Variants in CFAP43 observed in about 807,000 individuals in gnomAD.
CFAP43 encodes the protein cilia and flagella associated protein 43, also known as cilia- and flagella-associated protein 43.
In CFAP43, 155 loss-of-function variants were observed where a neutral mutation model predicts 218.9. The observed-to-expected ratio is 0.71, with a 90% CI of 0.62 to 0.81. The LOEUF (loss-of-function observed/expected upper bound fraction) is 0.81. CFAP43 is among the 30% of genes least tolerant of loss of function. CFAP43 has a pLI of 0.00. For missense variants in CFAP43, 1,778 were observed against 1,954.3 expected (o/e 0.91, Z 1.70); for synonymous variants, 645 against 681.3 (o/e 0.95, Z 0.83).
intron 3 of CFAP43, among the ~76,000 whole-genome samples, chr10:104,223,470 A>C (rs1449007756): frequency 6.6e-6 from 1 of 152,228 alleles, no homozygotes; most frequent in Non-Finnish European, 1.5e-5. Context: ...CAGAGGAAGA[A>C]ACTAAGGCTC....
At position 104,197,039 on chromosome 10, in the gene CFAP43, A is replaced by C. The variant is rs2090400765; in HGVS notation, c.1213-106T>G. 8.6e-6 allele frequency: 7 copies of C among 811,762 alleles called. No homozygotes were observed. In the East Asian group the frequency reaches 1.9e-4, roughly 22 times the overall value. 50.3% of individuals were successfully genotyped at this position (811,762 alleles called of 1,614,324 possible). On this transcript the variant is annotated intron_variant, in intron 9 of 37. Coordinates refer to ENST00000357060, the MANE Select transcript of CFAP43 (RefSeq NM_025145.7). ...TGCCAATGATTTAGTATAAAATTTCATTTTACTTACGTGGATTATAAATAC... is the reference window on the plus strand; with the variant it reads ...TGCCAATGATTTAGTATAAAATTTCCTTTTACTTACGTGGATTATAAATAC...
chr10:104,231,572 C>G (rs1053893927), intron 1 of CFAP43, among the ~76,000 whole-genome samples: 2 of 152,122 alleles, frequency 1.3e-5, no homozygotes, highest in Admixed American at 1.3e-4. Context: ...TGGTGAGAAA[C>G]CTCGAGACAT....
At chr10:104,211,348 T>G (rs946281883) in intron 5 of CFAP43, among the ~76,000 whole-genome samples, 4 of 152,166 alleles carry the variant, frequency 2.6e-5, no homozygotes, top group African/African-American at 7.2e-5. Flanking sequence ...TTGGCCACCA[T>G]GCGAATCCCA....
At chr10:104,145,356 C>T in intron 31 of CFAP43, 120 bp downstream of exon 31, 1 of 583,882 alleles carries the variant, frequency 1.7e-6, no homozygotes, top group Admixed American at 3.0e-5. Context: ...ACATCTCCAC[C>T]TAAAAGATAT....
chr10:104,173,019 A>G (rs2089472851), intron 19 of CFAP43, among the ~76,000 whole-genome samples: 3 of 152,176 alleles, frequency 2.0e-5, no homozygotes, highest in Non-Finnish European at 4.4e-5. Flanking sequence ...ACTTCTATAC[A>G]ATAAAAATTA....
chr10:104,219,755 G>A (rs2134993996), intron 3 of CFAP43, among the ~76,000 whole-genome samples: 1 of 152,270 alleles, frequency 6.6e-6, no homozygotes, highest in Non-Finnish European at 1.5e-5. Flanking sequence ...GTCCCTCCAA[G>A]CTTGCCTCTC....
intron 29 of CFAP43, 46 bp from the exon 30 acceptor site, chr10:104,146,395 G>T: frequency 1.4e-6 from 2 of 1,474,200 alleles, no homozygotes; most frequent in Non-Finnish European, 1.9e-6. Context: ...AGACTTTCCA[G>T]CATAAACAAA....
chr10:104,174,871 C>A (rs893660353), intron 19 of CFAP43, among the ~76,000 whole-genome samples: 1 of 151,448 alleles, frequency 6.6e-6, no homozygotes, highest in African/African-American at 2.4e-5. Flanking sequence ...CTGGCTAACA[C>A]CGTGAAACAC....
chr10:104,158,776 C>A (rs1463445975), intron 27 of CFAP43, among the ~76,000 whole-genome samples: 1 of 151,878 alleles, frequency 6.6e-6, no homozygotes, highest in Non-Finnish European at 1.5e-5. Flanking sequence ...TATTTTTGTT[C>A]TTAGGAGGTT....
Position 104,205,974 on chromosome 10 carries a change from C to A in CFAP43, c.952G>T (p.Ala318Ser), listed in dbSNP as rs1386807419. ...TLVYQKEGVLASGIDGFVYSF... is the reference protein window; with the variant it reads ...TLVYQKEGVLSSGIDGFVYSF... ...AAAGAATACATTACAATTCCAGAAG[C>A]CAGCACGCCCTCCTTCTGATATACC... The change falls in exon 7 of 38, where the codon GCT (alanine) becomes TCT (serine). Residue 318 changes from alanine to serine, a missense_variant. Ala to Ser is a moderately conservative substitution (Grantham distance 99, BLOSUM62 1). This residue lies in a region of CFAP43 where 1,553 missense variants were observed against 1,685.2 expected (regional missense o/e 0.92). Transcript: ENST00000357060. 1 of 1,607,158 alleles carries A rather than the reference C, an allele frequency of 6.2e-7. No homozygotes were observed. The highest frequency in any genetic ancestry group is 1.7e-5 in the Admixed American group (1 of 57,962).
chr10:104,133,917 CA>C, intron 34 of CFAP43, 133 bp from the exon 35 acceptor site: 1 of 887,408 alleles, frequency 1.1e-6, no homozygotes, highest in Non-Finnish European at 1.6e-6. Context: ...AAGAAACAGA[CA>C]TTAAAAATGG....
chr10:104,159,729 G>T (rs1391653495), intron 27 of CFAP43, among the ~76,000 whole-genome samples: 1 of 152,190 alleles, frequency 6.6e-6, no homozygotes, highest in African/African-American at 2.4e-5. Context: ...AGGGCGTCAG[G>T]TGTTGAAAGT....
chr10:104,212,118 A>G lies in CFAP43; in HGVS notation c.624T>C (p.Asn208=). The change falls in exon 5 of 38, where the codon AAT becomes AAC. Residue 208 remains asparagine, a synonymous_variant. Coordinates refer to ENST00000357060, the MANE Select transcript of CFAP43 (RefSeq NM_025145.7). ...ACTGGGGGAAAACGACATCCGTTTC[A>G]TTAAAAAATGACCCATCTTCTAGAG... ...KLPLEDGSFF[N]ETDVVFPQSL... is the part of the protein sequence containing the mutation. The G allele has an allele frequency of 6.2e-7, 1 of 1,614,050 alleles. No homozygotes were observed.
At chr10:104,131,279 G>T in intron 37 of CFAP43, 52 bp downstream of exon 37, 1 of 1,571,900 alleles carries the variant, frequency 6.4e-7, no homozygotes, top group South Asian at 1.2e-5. Context: ...TAGGATTACT[G>T]ATTACTTTTA....
intron 24 of CFAP43, among the ~76,000 whole-genome samples, chr10:104,163,703 A>G (rs1449032653): frequency 6.6e-6 from 1 of 152,156 alleles, no homozygotes; most frequent in Non-Finnish European, 1.5e-5. Context: ...CCCCTTCCCA[A>G]ATGAACTGGG....
intron 28 of CFAP43, among the ~76,000 whole-genome samples, chr10:104,152,180 T>C (rs1029559058): frequency 6.6e-6 from 1 of 152,180 alleles, no homozygotes; most frequent in Non-Finnish European, 1.5e-5. Flanking sequence ...GTCTCTACCC[T>C]CATGGAGCAT....
chr10:104,184,878 G>T (rs1589729321), intron 16 of CFAP43, 138 bp downstream of exon 16: 2 of 1,360,016 alleles, frequency 1.5e-6, no homozygotes, highest in East Asian at 2.6e-5. Context: ...CTTCTCTTGG[G>T]ATCTGTGAGT....
chr10:104,211,355 C>T lies in CFAP43; in HGVS notation c.735+652G>A, dbSNP rs192779462. ...GAGCCTGCTTGGCCACCATGCGAAT[C>T]CCATTGCTTAAAACAGTGTCTGCTC... On this transcript the variant is annotated intron_variant, in intron 5 of 37. Transcript: ENST00000357060. Among the ~76,000 whole-genome samples, 388 of 152,290 alleles carry T rather than the reference C, an allele frequency of 2.5e-3. 2 individuals carry two copies. Among genetic ancestry groups the T allele is most frequent in the Middle Eastern group, 0.017 (5 of 294 alleles).
chr10:104,231,848 T>G lies in CFAP43; in HGVS notation c.65+334A>C, dbSNP rs183438365. On this transcript the variant is annotated intron_variant, in intron 1 of 37. Coordinates refer to ENST00000357060, the MANE Select transcript of CFAP43 (RefSeq NM_025145.7). ...CAGGTGGAGGGGGAGGGGGATGTGA[T>G]CAGAAGACCCGGATCACTAGCGGGA... is the stretch of plus-strand genomic sequence containing the variant. Among the ~76,000 whole-genome samples, 5 of 151,792 alleles carry G rather than the reference T, an allele frequency of 3.3e-5. No homozygotes were observed. The East Asian group carries it at 5.8e-4, about 18-fold the overall frequency.
Sources: allele counts gnomAD v4.1 joint callset (sites outside exome capture counted in the v4.1 genomes callset), GRCh38; gene constraint gnomAD v4.1.1; regional missense constraint gnomAD v4.1.1; transcripts MANE v1.5; gene names NCBI Gene and HGNC (gene_info 2026-07-23, HGNC 2026-07-21).